The following SYNCRIP variants were observed in gnomAD, a reference collection of about 807,000 sequenced individuals.
SYNCRIP encodes synaptotagmin binding cytoplasmic RNA interacting protein, also known as heterogeneous nuclear ribonucleoprotein Q.
SYNCRIP carries 9 observed loss-of-function variants against 68.9 expected under a neutral mutation model. That is an observed-to-expected ratio of 0.13 (90% CI 0.08 to 0.23). SYNCRIP has a LOEUF of 0.23. Ranked by LOEUF, SYNCRIP falls within the 10% of genes least tolerant of loss-of-function variation. The pLI is 1.00. For synonymous variants in SYNCRIP, 258 were observed against 254.0 expected (o/e 1.02, Z -0.15); for missense variants, 414 against 770.6 (o/e 0.54, Z 5.48).
intron 1 of SYNCRIP, 103 bp downstream of exon 1, chr6:85,642,693 TC>T (rs1809356891): frequency 6.5e-6 from 1 of 152,830 alleles, no homozygotes; most frequent in African/African-American, 2.4e-5. Context: ...CCCATTGGAA[TC>T]CATTTTCCAG....
At chr6:85,611,649 C>A, downstream of SYNCRIP, 1 of 152,384 alleles carries the variant, frequency 6.6e-6, no homozygotes. Context: ...GATGCTTCAC[C>A]ACTGGACACT....
At chr6:85,638,583 A>C (rs1056155103) in intron 4 of SYNCRIP, among the ~76,000 whole-genome samples, 2 of 152,158 alleles carry the variant, frequency 1.3e-5, no homozygotes, top group Non-Finnish European at 2.9e-5. Flanking sequence ...CAAAATGCAT[A>C]ATCTAGGGTC....
At chr6:85,631,054 A>G (rs938195508) in intron 6 of SYNCRIP, among the ~76,000 whole-genome samples, 9 of 152,186 alleles carry the variant, frequency 5.9e-5, no homozygotes, top group East Asian at 1.9e-4. Flanking sequence ...GATAATGGCC[A>G]TGGCTTGGCT....
chr6:85,615,195 C>T lies in SYNCRIP; in HGVS notation c.1433G>A (p.Arg478His), dbSNP rs1805634089. ...DYYGYDYHNY[R>H]GGYEDPYYGY... ...ATAGTATGGATCTTCATATCCACCACGATAGTTATGGTAATCATAACCATA... is the reference window on the plus strand; with the variant it reads ...ATAGTATGGATCTTCATATCCACCATGATAGTTATGGTAATCATAACCATA... The change falls in exon 11 of 11, where the codon CGT becomes CAT. Residue 478 changes from arginine to histidine, a missense_variant. Physicochemically the swap from Arg to His is conservative, Grantham distance 29 (BLOSUM62 0). Around this residue, in one of 6 missense-constraint regions of SYNCRIP, gnomAD observed 72 missense variants for 119.8 expected, o/e 0.60. Transcript: ENST00000369622. 3 of 1,611,288 alleles carry T rather than the reference C, an allele frequency of 1.9e-6. No homozygotes were observed. The highest frequency in any genetic ancestry group is 2.2e-5 in the East Asian group (1 of 44,794).
chr6:85,640,369 T>C (rs1808982929), intron 3 of SYNCRIP, 41 bp from the exon 4 acceptor site: 3 of 1,593,550 alleles, frequency 1.9e-6, no homozygotes, highest in Non-Finnish European at 2.6e-6. Flanking sequence ...AATAACCATA[T>C]CTGAGTCTAA....
At chr6:85,643,460 T>C (rs1283233523), upstream of SYNCRIP, among the ~76,000 whole-genome samples, 3 of 151,594 alleles carry the variant, frequency 2.0e-5, no homozygotes, top group Non-Finnish European at 4.4e-5. Context: ...GCTCCGACGG[T>C]GGCGGCCGAG....
rs541247627 is a variant in SYNCRIP at position 85,617,072 on chromosome 6, A to G, written c.1281-1725T>C. On this transcript the variant is annotated intron_variant, in intron 10 of 10. Coordinates refer to ENST00000369622, the MANE Select transcript of SYNCRIP (RefSeq NM_006372.5). Reference sequence around the variant, plus strand: ...TTCAAATCCAACTCCACTACTTACTATGTGAATGACCCCAAGGAAGTTGAC... The same window carrying G: ...TTCAAATCCAACTCCACTACTTACTGTGTGAATGACCCCAAGGAAGTTGAC... Among the ~76,000 whole-genome samples, 4 of 152,216 alleles carry G rather than the reference A, an allele frequency of 2.6e-5. No individual in the cohort carries two copies. The South Asian group carries it at 8.3e-4, about 32-fold the overall frequency.
At chr6:85,642,517 C>G (rs1055183919) in intron 1 of SYNCRIP, among the ~76,000 whole-genome samples, 2 of 152,198 alleles carry the variant, frequency 1.3e-5, no homozygotes, top group African/African-American at 2.4e-5. Flanking sequence ...CACGACAGCA[C>G]CAACTCTGAA....
intron 6 of SYNCRIP, among the ~76,000 whole-genome samples, chr6:85,633,962 A>G (rs1009689004): frequency 6.6e-6 from 1 of 152,306 alleles, no homozygotes; most frequent in African/African-American, 2.4e-5. Flanking sequence ...AAAGTCTCCT[A>G]TTAATTAGAT....
chr6:85,633,549 C>A (rs1277905353), intron 6 of SYNCRIP, among the ~76,000 whole-genome samples: 1 of 152,062 alleles, frequency 6.6e-6, no homozygotes, highest in East Asian at 1.9e-4. Flanking sequence ...TGAGATCACA[C>A]CACTGCACCC....
intron 8 of SYNCRIP, 73 bp downstream of exon 8, chr6:85,622,409 G>A (rs769643356): frequency 4.3e-5 from 58 of 1,345,184 alleles, no homozygotes; most frequent in Non-Finnish European, 5.7e-5. Context: ...TTCATTTTAT[G>A]TTCCCCCCAC....
rs1055183919 is a variant in SYNCRIP at position 85,642,517 on chromosome 6, C to A, written c.-13+280G>T. Among the ~76,000 whole-genome samples, 5 of 152,198 alleles carry A rather than the reference C, an allele frequency of 3.3e-5. No homozygotes were observed. In the East Asian group the frequency reaches 9.7e-4, roughly 29 times the overall value. ...CGCCGCGGCGACCGCCACGACAGCA[C>A]CAACTCTGAAGCCGCTCGCGGTCCG... On this transcript the variant is annotated intron_variant, in intron 1 of 10. Transcript: ENST00000369622.
At chr6:85,612,696 T>C (rs992125094), downstream of SYNCRIP, 1 of 507,642 alleles carries the variant, frequency 2.0e-6, no homozygotes, top group Non-Finnish European at 3.3e-6. Context: ...GAGAAAATTG[T>C]TAAAGAAATT....
At position 85,633,180 on chromosome 6, in the gene SYNCRIP, C is replaced by T. The variant is rs533009416; in HGVS notation, c.666+3787G>A. On this transcript the variant is annotated intron_variant, in intron 6 of 10. Transcript: ENST00000369622. ...CTGAGGCAGGAGAATGGCGTGAACC[C>T]GGGAGGCAGAGCTTGCAGTGAGCCG... Among the ~76,000 whole-genome samples, 1,055 of 151,824 alleles carry T rather than the reference C, an allele frequency of 6.9e-3. 11 individuals are homozygous for T. Among genetic ancestry groups the T allele is most frequent in the African/African-American group, 0.024 (981 of 41,372 alleles).
chr6:85,612,077 G>A (rs1805294482), downstream of SYNCRIP: 1 of 151,966 alleles, frequency 6.6e-6, no homozygotes, highest in African/African-American at 2.4e-5. Flanking sequence ...CACAAAATAC[G>A]ACAAAAGCAA....
rs1447089086 is a variant in SYNCRIP, at chr6:85,614,810, G to A, written c.1818C>T (p.Tyr606=). 1 of 1,612,200 alleles carries A rather than the reference G, an allele frequency of 6.2e-7. No individual in the cohort carries two copies. Among genetic ancestry groups the A allele is most frequent in the Non-Finnish European group, 8.5e-7 (1 of 1,179,552 alleles). Residue 606 remains tyrosine (Y), a synonymous_variant, in exon 11 of 11, where the codon TAC becomes TAT. Coordinates refer to ENST00000369622, the MANE Select transcript of SYNCRIP (RefSeq NM_006372.5). The stretch of plus-strand genomic sequence containing the variant: ...GATAAAACTCCTGGTTTTCAGATTT[G>A]TAACCATAGTTACCAGAATGATCAC... ...QGGDHSGNYG[Y]KSENQEFYQD... is the part of the protein sequence containing the mutation.
intron 6 of SYNCRIP, among the ~76,000 whole-genome samples, chr6:85,632,631 A>G (rs1807930064): frequency 6.6e-6 from 1 of 152,088 alleles, no homozygotes; most frequent in South Asian, 2.1e-4. Context: ...CCCACAGTAA[A>G]GCATCCTTTT....
At chr6:85,619,149 A>C in intron 9 of SYNCRIP, 119 bp downstream of exon 9, 1 of 1,413,268 alleles carries the variant, frequency 7.1e-7, no homozygotes, top group South Asian at 1.3e-5. Flanking sequence ...AAAAGGTTTT[A>C]GTTTGAATGG....
chr6:85,635,710 C>T (rs547088675), intron 6 of SYNCRIP, among the ~76,000 whole-genome samples: 1 of 133,758 alleles, frequency 7.5e-6, no homozygotes, highest in East Asian at 2.3e-4. Context: ...GCGGAGGTTG[C>T]AGTGAGCCAA....
Sources: gnomAD v4.1 joint callset for allele counts (sites outside exome capture counted in the v4.1 genomes callset) on GRCh38, gnomAD v4.1.1 for gene constraint, gnomAD v4.1.1 regional missense constraint, MANE v1.5 for transcripts, NCBI Gene and HGNC (gene_info 2026-07-23, HGNC 2026-07-21) for gene names.